Variants in SEC61A1 observed in about 807,000 individuals in gnomAD.
SEC61A1 encodes protein transport protein Sec61 subunit alpha isoform 1.
A neutral mutation model predicts 55.2 loss-of-function variants in SEC61A1; 15 were observed. The observed-to-expected ratio is 0.27, with a 90% CI of 0.18 to 0.42. SEC61A1 has a LOEUF of 0.42. Ranked by LOEUF, SEC61A1 falls within the 10% of genes least tolerant of loss-of-function variation. The pLI is 1.00. For synonymous variants in SEC61A1, 247 were observed against 234.0 expected, an observed-to-expected ratio of 1.06 and a Z score of -0.51; for missense variants, 284 against 602.6, an observed-to-expected ratio of 0.47 and a Z score of 5.53.
In SEC61A1 at chr3:128,067,196, C is replaced by T; in HGVS notation, c.975+45C>T. ...ATGAGCTAGCAATGCAGCTAAGTTG[C>T]AGTGGTTTCTATCAGTGTCTTGCTC... On this transcript the variant is annotated intron_variant, in intron 9 of 11. Transcript: ENST00000243253. The surrounding 1 kb of genome is among the most constrained non-coding windows in gnomAD (Gnocchi z 4.1). The T allele has an allele frequency of 1.9e-6, 3 of 1,558,028 alleles. No homozygotes were observed. Among genetic ancestry groups the T allele is most frequent in the Non-Finnish European group, 2.7e-6 (3 of 1,129,284 alleles).
intron 4 of SEC61A1, 44 bp downstream of exon 4, chr3:128,055,795 C>T (rs776911291): frequency 6.9e-7 from 1 of 1,457,838 alleles, no homozygotes; most frequent in Non-Finnish European, 9.6e-7. Context: ...TGTAGGCTTA[C>T]CTAGCTTCAC....
chr3:128,066,475 T>C (rs1576424822), intron 8 of SEC61A1: 1 of 159,518 alleles, frequency 6.3e-6, no homozygotes, highest in African/African-American at 2.4e-5. Flanking sequence ...TAGGCTGGAA[T>C]GCAGTGGCAT....
chr3:128,051,761 C>G, upstream of SEC61A1: 2 of 1,508,398 alleles, frequency 1.3e-6, no homozygotes, highest in East Asian at 4.9e-5. Flanking sequence ...CTGAATTCTT[C>G]TGTGAGGCAG....
At chr3:128,057,254 T>C (rs1941786272) in intron 5 of SEC61A1, among the ~76,000 whole-genome samples, 1 of 152,240 alleles carries the variant, frequency 6.6e-6, no homozygotes, top group Non-Finnish European at 1.5e-5. Flanking sequence ...TCTTTTGTGC[T>C]GCAACCTCCT....
upstream of SEC61A1, chr3:128,052,332 G>T: frequency 2.0e-6 from 1 of 508,240 alleles, no homozygotes; most frequent in Non-Finnish European, 2.6e-6. Flanking sequence ...GCGCGGCGAA[G>T]CGCGGCGGCC....
At chr3:128,060,479 CAT>C (rs1435990423) in intron 6 of SEC61A1, 27 bp from the exon 7 acceptor site, 1 of 1,612,086 alleles carries the variant, frequency 6.2e-7, no homozygotes, top group African/African-American at 1.3e-5. Flanking sequence ...AGCAGTAACA[CAT>C]AGTCTTGTAT....
chr3:128,069,405 G>A (rs1352208352), intron 11 of SEC61A1, 71 bp from the exon 12 acceptor site: 1 of 1,443,618 alleles, frequency 6.9e-7, no homozygotes, highest in African/African-American at 1.4e-5. Context: ...AGTCTCAGGT[G>A]AGCCTGTTGG....
chr3:128,053,378 A>C (rs1941719836), intron 2 of SEC61A1, among the ~76,000 whole-genome samples: 2 of 152,224 alleles, frequency 1.3e-5, no homozygotes, highest in Non-Finnish European at 2.9e-5. Flanking sequence ...AATAGGGGGA[A>C]TAAAGGCTAT....
chr3:128,068,440 C>A (rs1576426819), intron 11 of SEC61A1, among the ~76,000 whole-genome samples: 1 of 152,206 alleles, frequency 6.6e-6, no homozygotes, highest in Non-Finnish European at 1.5e-5. Flanking sequence ...GAGCTCAGAG[C>A]AGGCAGGTCC....
chr3:128,055,603 G>T (rs199715409), intron 3 of SEC61A1, 22 bp downstream of exon 3: 8 of 1,611,044 alleles, frequency 5.0e-6, no homozygotes, highest in Non-Finnish European at 6.8e-6. Context: ...CTTGTATTTC[G>T]TATTGGGGAG....
chr3:128,054,585 A>G (rs895125413), intron 2 of SEC61A1, among the ~76,000 whole-genome samples: 6 of 151,850 alleles, frequency 4.0e-5, no homozygotes, highest in South Asian at 2.1e-4. Flanking sequence ...AGTTCTGGCC[A>G]GAGGGCCAGG....
Position 128,069,666 on chromosome 3 carries a change from C to T in SEC61A1, c.*4C>T, listed in dbSNP as rs771626900. The T allele has an allele frequency of 8.7e-6, 14 of 1,613,500 alleles. No individual in the cohort carries two copies. The highest frequency in any genetic ancestry group is 1.1e-5 in the Non-Finnish European group (13 of 1,179,776). ...CATGGGGGCCCTGCTCTTCTGAGCC[C>T]GTCTCCCGGACAGGTTGAGGAAGCT... On this transcript the variant is annotated 3_prime_UTR_variant, in exon 12 of 12. Coordinates refer to ENST00000243253, the MANE Select transcript of SEC61A1 (RefSeq NM_013336.4).
chr3:128,071,233 G>C lies in SEC61A1; in HGVS notation c.*1571G>C, dbSNP rs1253183853. On this transcript the variant is annotated 3_prime_UTR_variant, in exon 12 of 12. Coordinates refer to ENST00000243253, the MANE Select transcript of SEC61A1 (RefSeq NM_013336.4). ...GCAGCAGAACCAAGATGGGCCCCAG[G>C]CTCCTCCATATGGCCCAGGGCTTAC... The C allele has an allele frequency of 6.5e-6, 1 of 152,928 alleles. No individual in the cohort carries two copies. The highest frequency in any genetic ancestry group is 1.5e-5 in the Non-Finnish European group (1 of 68,602). The allele number at this position is 152,928 out of a possible 1,614,324, so 9.5% of individuals were successfully genotyped here.
chr3:128,062,190 G>C (rs1424944444), intron 7 of SEC61A1, among the ~76,000 whole-genome samples: 1 of 152,212 alleles, frequency 6.6e-6, no homozygotes, highest in Non-Finnish European at 1.5e-5. Context: ...GCTCGTGTTT[G>C]GGACCTGGCT....
At chr3:128,052,066 G>A (rs1941683397), upstream of SEC61A1, among the ~76,000 whole-genome samples, 1 of 152,156 alleles carries the variant, frequency 6.6e-6, no homozygotes, top group Non-Finnish European at 1.5e-5. Context: ...TACGTGTATG[G>A]GAGCCACCAG....
In SEC61A1 at chr3:128,052,951, A is replaced by G. The variant is rs201687163; in HGVS notation, c.75+49A>G. 2.6e-5 allele frequency: 37 copies of G among 1,440,152 alleles called. No individual in the cohort carries two copies. The African/African-American group carries it at 4.0e-4, about 16-fold the overall frequency. 89.2% of individuals were successfully genotyped at this position (1,440,152 alleles called of 1,614,324 possible). The stretch of plus-strand genomic sequence containing the variant: ...AAGAAGGTTTCAGGAAACTGTCTGG[A>G]CTCTGGAAGTTTACAGTATGATTAA... On this transcript the variant is annotated intron_variant, in intron 2 of 11. Transcript: ENST00000243253.
chr3:128,054,008 A>ATG (rs1362266093), intron 2 of SEC61A1, among the ~76,000 whole-genome samples: 14 of 152,380 alleles, frequency 9.2e-5, no homozygotes, highest in Admixed American at 7.2e-4. Context: ...AGAGTGTAGC[A>ATG]TGTTTGGATG....
intron 1 of SEC61A1, 37 bp downstream of exon 1, chr3:128,052,596 G>A (rs375236250): frequency 6.3e-6 from 10 of 1,585,194 alleles, no homozygotes; most frequent in Non-Finnish European, 8.6e-6. Flanking sequence ...AGGCCGGGAC[G>A]GAACAGATCC....
rs1042912 is a variant in SEC61A1, at chr3:128,070,852, C to T, written c.*1190C>T. On this transcript the variant is annotated 3_prime_UTR_variant, in exon 12 of 12. Transcript: ENST00000243253. ...TGGCCTAGGTCCTGGAGATGAGCAC[C>T]CTCTCTCTGGCCTTTAGGGAGTCCC... The T allele has an allele frequency of 0.23, 35,171 of 152,250 alleles. 4,130 individuals carry two copies. The highest frequency in any genetic ancestry group is 0.27 in the South Asian group (1,313 of 4,816). 9.4% of individuals were successfully genotyped at this position (152,250 alleles called of 1,614,324 possible).
Sources: gnomAD v4.1 joint callset for allele counts (sites outside exome capture counted in the v4.1 genomes callset) on GRCh38, gnomAD v4.1.1 for gene constraint, Gnocchi (gnomAD v3.1) non-coding constraint, MANE v1.5 for transcripts, NCBI Gene and HGNC (gene_info 2026-07-23, HGNC 2026-07-21) for gene names.